DNAJB14: variants seen among roughly 807,000 people sequenced by gnomAD.
The protein encoded by DNAJB14 is dnaJ homolog subfamily B member 14.
Under a neutral mutation model 48.4 loss-of-function variants are expected in DNAJB14, and 22 were observed. The ratio of observed to expected loss-of-function variants is 0.45; its 90% CI spans 0.32 to 0.65. DNAJB14 has a LOEUF of 0.65. Among genes scored for constraint, DNAJB14 ranks in the 30% least tolerant of loss-of-function variants. The pLI is 0.03. For synonymous variants in DNAJB14, 142 were observed against 158.7 expected, an observed-to-expected ratio of 0.89 and a Z score of 0.79; for missense variants, 319 against 458.8, an observed-to-expected ratio of 0.70 and a Z score of 2.78.
chr4:99,944,478 C>T (rs915004271), intron 1 of DNAJB14, among the ~76,000 whole-genome samples: 1 of 151,998 alleles, frequency 6.6e-6, no homozygotes, highest in Admixed American at 6.6e-5. Flanking sequence ...GAAAGGAACC[C>T]AAATGTCCAT....
chr4:99,923,301 A>G (rs1231351423), intron 2 of DNAJB14, 116 bp from the exon 3 acceptor site: 2 of 985,712 alleles, frequency 2.0e-6, no homozygotes, highest in Non-Finnish European at 2.9e-6. Flanking sequence ...CTTTCTCAAA[A>G]TCTAATGAAG....
chr4:99,918,488 T>C (rs752003835), intron 3 of DNAJB14, among the ~76,000 whole-genome samples: 65 of 152,220 alleles, frequency 4.3e-4, no homozygotes, highest in Admixed American at 2.0e-4. Flanking sequence ...ATTTGGGTAT[T>C]ATCTTATGAG....
chr4:99,920,412 C>A lies in DNAJB14; in HGVS notation c.451+2628G>T, dbSNP rs17029658. On this transcript the variant is annotated intron_variant, in intron 3 of 7. Transcript: ENST00000442697. Reference sequence around the variant, plus strand: ...TCCCATTCCACTACTACTTGTCAAGCAAACACATAAACAACTAATCCATGC... The same window carrying A: ...TCCCATTCCACTACTACTTGTCAAGAAAACACATAAACAACTAATCCATGC... Among the ~76,000 whole-genome samples the A allele has an allele frequency of 3.3e-3, 502 of 152,250 alleles. 4 individuals are homozygous for A. Among genetic ancestry groups the A allele is most frequent in the African/African-American group, 0.012 (478 of 41,544 alleles).
intron 1 of DNAJB14, among the ~76,000 whole-genome samples, chr4:99,933,303 C>CTTTTTTTTTTTTTTTTTTTTTTT (rs759298582): frequency 1.1e-5 from 1 of 88,776 alleles, no homozygotes. Flanking sequence ...CATAAACAGT[C>CTTTTTTTTTTTTTTTTTTTTTTT]TTTTTTTTTT....
intron 3 of DNAJB14, among the ~76,000 whole-genome samples, chr4:99,915,848 G>A (rs961237886): frequency 2.0e-5 from 3 of 151,704 alleles, no homozygotes; most frequent in African/African-American, 7.3e-5. Context: ...AACTATAATT[G>A]TGACTTTGTC....
At chr4:99,939,673 G>C (rs1467516654) in intron 1 of DNAJB14, among the ~76,000 whole-genome samples, 2 of 152,154 alleles carry the variant, frequency 1.3e-5, no homozygotes, top group African/African-American at 4.8e-5. Flanking sequence ...CACAGTCTTT[G>C]GCTCCATCAA....
intron 1 of DNAJB14, among the ~76,000 whole-genome samples, chr4:99,941,593 A>C (rs942444455): frequency 6.6e-5 from 10 of 152,292 alleles, no homozygotes; most frequent in Admixed American, 4.6e-4. Flanking sequence ...TAGATACTTC[A>C]TGTTTCCCCT....
chr4:99,911,464 C>T (rs1372940518), intron 3 of DNAJB14, among the ~76,000 whole-genome samples: 3 of 152,108 alleles, frequency 2.0e-5, no homozygotes, highest in South Asian at 2.1e-4. Context: ...AGAAACTGCC[C>T]AACTGTTGTA....
At chr4:99,907,477 C>G (rs957004718) in intron 4 of DNAJB14, among the ~76,000 whole-genome samples, 1 of 151,998 alleles carries the variant, frequency 6.6e-6, no homozygotes, top group African/African-American at 2.4e-5. Flanking sequence ...GAGTTCAAGA[C>G]CAGCCTGGAC....
chr4:99,923,017 T>C (rs551086538), intron 3 of DNAJB14, 23 bp downstream of exon 3: 7 of 1,581,606 alleles, frequency 4.4e-6, no homozygotes, highest in Non-Finnish European at 5.1e-6. Flanking sequence ...CTTAGTAAAA[T>C]TGCTTTAAAA....
chr4:99,905,842 G>C (rs1212386191), intron 5 of DNAJB14, 136 bp from the exon 6 acceptor site: 2 of 1,245,794 alleles, frequency 1.6e-6, no homozygotes, highest in African/African-American at 3.1e-5. Context: ...GCGTAACCAT[G>C]CCAATAGGAT....
At chr4:99,927,643 C>T (rs1184975124) in intron 2 of DNAJB14, 2 of 152,164 alleles carry the variant, frequency 1.3e-5, no homozygotes, top group Non-Finnish European at 2.9e-5. Context: ...AAAAACAAAT[C>T]GCCAAGTTTA....
At chr4:99,903,174 T>C (rs879587460) in intron 7 of DNAJB14, among the ~76,000 whole-genome samples, 3 of 152,126 alleles carry the variant, frequency 2.0e-5, no homozygotes, top group Non-Finnish European at 4.4e-5. Flanking sequence ...CAGATTCTTA[T>C]ATCAATCTTT....
chr4:99,912,207 G>A (rs904805212), intron 3 of DNAJB14, among the ~76,000 whole-genome samples: 8 of 152,096 alleles, frequency 5.3e-5, no homozygotes, highest in African/African-American at 1.9e-4. Flanking sequence ...CTATTTCTGG[G>A]TTTCCTATCT....
In DNAJB14 at chr4:99,946,529, C is replaced by A; in HGVS notation, c.43G>T (p.Ala15Ser). 2 of 1,613,890 alleles carry A rather than the reference C, an allele frequency of 1.2e-6. No homozygotes were observed. The highest frequency in any genetic ancestry group is 8.5e-7 in the Non-Finnish European group (1 of 1,179,822). ...TTGCCGGCGTTCAGGGCCTCCCGGG[C>A]GATCTCGACACATTTCTCAGCCTCA... ...RDEAEKCVEI[A>S]REALNAGNRE... The change falls in exon 1 of 8, where the codon GCC becomes TCC. Residue 15 changes from alanine (A) to serine (S), a missense_variant. By Grantham distance (99) the Ala-to-Ser change is moderately conservative. Around this residue, in one of 3 missense-constraint regions of DNAJB14, gnomAD observed 116 missense variants for 134.6 expected, o/e 0.86. Coordinates refer to ENST00000442697, the MANE Select transcript of DNAJB14 (RefSeq NM_001031723.4).
At chr4:99,934,789 C>CAAAAAAAAAAAAAAAAAAAATAAAA (rs1726607398) in intron 1 of DNAJB14, among the ~76,000 whole-genome samples, 1 of 6,776 alleles carries the variant, frequency 1.5e-4, no homozygotes, top group Non-Finnish European at 2.4e-4. Context: ...AAGACTGTCT[C>CAAAAAAAAAAAAAAAAAAAATAAAA]AAAAAAAAAA....
chr4:99,908,597 C>T (rs574365920), intron 4 of DNAJB14, 114 bp downstream of exon 4: 11 of 791,676 alleles, frequency 1.4e-5, no homozygotes, highest in African/African-American at 1.1e-4. Flanking sequence ...ATTACAGGAT[C>T]GTAACACTAC....
chr4:99,911,879 T>TA (rs1279448118), intron 3 of DNAJB14, among the ~76,000 whole-genome samples: 4 of 151,472 alleles, frequency 2.6e-5, no homozygotes, highest in African/African-American at 9.7e-5. Context: ...AGAGCAAGCT[T>TA]AAAAAATCTT....
intron 1 of DNAJB14, among the ~76,000 whole-genome samples, chr4:99,941,022 T>A (rs1418732121): frequency 6.6e-6 from 1 of 151,952 alleles, no homozygotes; most frequent in South Asian, 2.1e-4. Context: ...TAGAAGGCCT[T>A]ATGGCTATAA....
Sources: allele counts gnomAD v4.1 joint callset (sites outside exome capture counted in the v4.1 genomes callset), GRCh38; gene constraint gnomAD v4.1.1; regional missense constraint gnomAD v4.1.1; transcripts MANE v1.5; gene names NCBI Gene and HGNC (gene_info 2026-07-23, HGNC 2026-07-21).